Variants in PDE4B observed in about 807,000 individuals in gnomAD.
PDE4B encodes the protein 3',5'-cyclic-AMP phosphodiesterase 4B.
In PDE4B, 20 loss-of-function variants were observed where a neutral mutation model predicts 82.2. The observed-to-expected ratio is 0.24, with a 90% CI of 0.17 to 0.35. PDE4B has a LOEUF of 0.35. Ranked by LOEUF, PDE4B falls within the 10% of genes least tolerant of loss-of-function variation. The probability of loss-of-function intolerance (pLI) is 1.00; values close to 1 mark genes in which losing one functional copy is unlikely to be tolerated. For synonymous variants in PDE4B, 320 were observed against 318.9 expected, an observed-to-expected ratio of 1.00 and a Z score of -0.04; for missense variants, 655 against 907.2, an observed-to-expected ratio of 0.72 and a Z score of 3.57.
At chr1:66,154,221 C>T (rs1557598001) in intron 3 of PDE4B, among the ~76,000 whole-genome samples, 1 of 152,192 alleles carries the variant, frequency 6.6e-6, no homozygotes, top group Non-Finnish European at 1.5e-5. Context: ...CTTACCTGAG[C>T]TCCTCCACCA....
intron 7 of PDE4B, among the ~76,000 whole-genome samples, chr1:66,314,600 A>G (rs1658892350): frequency 6.6e-6 from 1 of 151,982 alleles, no homozygotes. Flanking sequence ...TTTAGTAGAG[A>G]TGGGGTTTCA....
chr1:66,017,193 T>C, intron 3 of PDE4B, among the ~76,000 whole-genome samples: 1 of 152,196 alleles, frequency 6.6e-6, no homozygotes, highest in Admixed American at 6.5e-5. Flanking sequence ...GCAGAGAATT[T>C]ATTGTATTTG....
At chr1:65,792,652 C>T (rs1645584580), upstream of PDE4B, 1 of 152,114 alleles carries the variant, frequency 6.6e-6, no homozygotes, top group Non-Finnish European at 1.5e-5. Flanking sequence ...AAAAAATAAC[C>T]TGGGAGGGCA....
intron 1 of PDE4B, among the ~76,000 whole-genome samples, chr1:65,802,458 C>T (rs1334020073): frequency 6.6e-6 from 1 of 152,154 alleles, no homozygotes; most frequent in African/African-American, 2.4e-5. Context: ...ATCTGGTAGA[C>T]TTCTAATATC....
At chr1:66,032,443 A>G (rs900585864) in intron 3 of PDE4B, among the ~76,000 whole-genome samples, 2 of 152,188 alleles carry the variant, frequency 1.3e-5, no homozygotes, top group Non-Finnish European at 2.9e-5. Context: ...TTTGAATAAT[A>G]CATTTAAAGG....
chr1:65,924,440 A>G (rs1396279842), intron 3 of PDE4B, among the ~76,000 whole-genome samples: 3 of 151,870 alleles, frequency 2.0e-5, no homozygotes, highest in African/African-American at 7.3e-5. Flanking sequence ...AATTTTGATT[A>G]TTGTATTTTT....
chr1:65,805,269 G>A (rs1047616770), intron 1 of PDE4B, among the ~76,000 whole-genome samples: 1 of 152,146 alleles, frequency 6.6e-6, no homozygotes, highest in Non-Finnish European at 1.5e-5. Context: ...CTGGCCAGGG[G>A]CATGTCTCTT....
intron 3 of PDE4B, among the ~76,000 whole-genome samples, chr1:66,167,017 A>G (rs1646747114): frequency 6.6e-6 from 1 of 152,214 alleles, no homozygotes; most frequent in Non-Finnish European, 1.5e-5. Context: ...CTTCACACCC[A>G]CTAGGATGGC....
intron 1 of PDE4B, among the ~76,000 whole-genome samples, chr1:65,794,623 A>G (rs2101144004): frequency 6.6e-6 from 1 of 152,330 alleles, no homozygotes; most frequent in South Asian, 2.1e-4. Context: ...ATGTCAATAA[A>G]TATAGCATTG....
intron 8 of PDE4B, chr1:66,354,726 A>T: frequency 6.9e-7 from 1 of 1,444,706 alleles, no homozygotes; most frequent in African/African-American, 1.4e-5. Context: ...TGTCTTTTCT[A>T]AGTTTTGATT....
At chr1:66,160,085 C>T (rs1223276976) in intron 3 of PDE4B, among the ~76,000 whole-genome samples, 1 of 152,164 alleles carries the variant, frequency 6.6e-6, no homozygotes, top group Non-Finnish European at 1.5e-5. Flanking sequence ...AGAGTCCTCA[C>T]ACAGGATTTT....
intron 9 of PDE4B, among the ~76,000 whole-genome samples, chr1:66,359,194 G>A (rs1363595929): frequency 6.6e-6 from 1 of 152,192 alleles, no homozygotes; most frequent in Non-Finnish European, 1.5e-5. Flanking sequence ...GAATTTTCAA[G>A]ATGCAAGGAA....
intron 3 of PDE4B, among the ~76,000 whole-genome samples, chr1:66,185,523 G>A (rs1004410995): frequency 6.6e-6 from 1 of 151,706 alleles, no homozygotes; most frequent in Non-Finnish European, 1.5e-5. Context: ...ACTTTTTAAT[G>A]ATTGCCATTC....
chr1:66,123,010 T>C lies in PDE4B; in HGVS notation c.282-124450T>C, dbSNP rs529580765. The stretch of plus-strand genomic sequence containing the variant: ...TGTGAGCCACCATGCCTGGCCAGGA[T>C]TTTTTTTCAAGAGCTCTATATTTTG... On this transcript the variant is annotated intron_variant, in intron 3 of 16. Coordinates refer to ENST00000341517, the MANE Select transcript of PDE4B (RefSeq NM_002600.4). Among the ~76,000 whole-genome samples the C allele has an allele frequency of 2.6e-5, 4 of 152,026 alleles. No homozygotes were observed. In the South Asian group the frequency reaches 8.3e-4, roughly 32 times the overall value.
intron 7 of PDE4B, among the ~76,000 whole-genome samples, chr1:66,301,203 G>A (rs1030726689): frequency 3.9e-5 from 6 of 151,980 alleles, no homozygotes; most frequent in South Asian, 2.1e-4. Flanking sequence ...TTTTTCTATG[G>A]GTAATTTTTA....
chr1:65,906,823 A>G (rs952149993), intron 1 of PDE4B, among the ~76,000 whole-genome samples: 2 of 152,172 alleles, frequency 1.3e-5, no homozygotes, highest in African/African-American at 4.8e-5. Flanking sequence ...TTCAGGAGAC[A>G]TGTTTTACTC....
At chr1:66,063,651 T>C (rs572272576) in intron 3 of PDE4B, among the ~76,000 whole-genome samples, 1 of 152,154 alleles carries the variant, frequency 6.6e-6, no homozygotes, top group South Asian at 2.1e-4. Flanking sequence ...TCCCAACAGT[T>C]AGGGAACTGT....
At chr1:65,884,166 C>T (rs1646743301) in intron 1 of PDE4B, among the ~76,000 whole-genome samples, 1 of 152,206 alleles carries the variant, frequency 6.6e-6, no homozygotes. Flanking sequence ...ATGATGCTGG[C>T]CTCATAAAAT....
intron 6 of PDE4B, among the ~76,000 whole-genome samples, chr1:66,264,340 A>G (rs1654887056): frequency 1.3e-5 from 2 of 152,230 alleles, no homozygotes; most frequent in African/African-American, 2.4e-5. Context: ...TGTTATCAGC[A>G]TATAGTATAG....
Sources: allele counts gnomAD v4.1 joint callset (sites outside exome capture counted in the v4.1 genomes callset), GRCh38; gene constraint gnomAD v4.1.1; transcripts MANE v1.5; gene names NCBI Gene and HGNC (gene_info 2026-07-23, HGNC 2026-07-21).